The following CD300LF variants were observed in gnomAD, a reference collection of about 807,000 sequenced individuals.
CD300LF encodes CMRF35-like molecule 1.
CD300LF carries 27 observed loss-of-function variants against 32.2 expected under a neutral mutation model. That is an observed-to-expected ratio of 0.84 (90% CI 0.62 to 1.15). CD300LF has a LOEUF of 1.15. CD300LF is among the 50% of genes most tolerant of loss of function. The probability of loss-of-function intolerance (pLI) is 0.00; values close to 1 mark genes in which losing one functional copy is unlikely to be tolerated. For missense variants in CD300LF, 348 were observed against 356.8 expected (o/e 0.98, Z 0.20); for synonymous variants, 139 against 143.2 (o/e 0.97, Z 0.21).
At chr17:74,701,776 G>A (rs117244079) in intron 3 of CD300LF, among the ~76,000 whole-genome samples, 1,544 of 151,880 alleles carry the variant, frequency 0.01, 26 homozygotes, top group Admixed American at 0.036. Flanking sequence ...CATGAACCTG[G>A]GAGGTGGAAG....
chr17:74,708,233 G>C (rs1293951676), intron 1 of CD300LF, among the ~76,000 whole-genome samples: 3 of 151,548 alleles, frequency 2.0e-5, no homozygotes, highest in Non-Finnish European at 4.4e-5. Context: ...TAGAAAACCT[G>C]AATCATTCCA....
intron 4 of CD300LF, among the ~76,000 whole-genome samples, chr17:74,697,041 A>C (rs1314796060): frequency 6.6e-6 from 1 of 152,180 alleles, no homozygotes; most frequent in Non-Finnish European, 1.5e-5. Flanking sequence ...TCCTGGGTTC[A>C]AGCGATTCTC....
Position 74,708,822 on chromosome 17 carries a change from G to A in CD300LF, c.43+4002C>T, listed in dbSNP as rs371877216. On this transcript the variant is annotated intron_variant, in intron 1 of 6. Coordinates refer to ENST00000326165, the MANE Select transcript of CD300LF (RefSeq NM_139018.5). ...TCCCAGCTACTCGGAGGCTGAGGCAGGAGAATGACGTGAACCCGGGGGGGC... is the reference window on the plus strand; with the variant it reads ...TCCCAGCTACTCGGAGGCTGAGGCAAGAGAATGACGTGAACCCGGGGGGGC... 2.9e-4 allele frequency among the ~76,000 whole-genome samples: 44 copies of A among 151,690 alleles called. No homozygotes were observed. In the South Asian group the frequency reaches 4.2e-3, roughly 14 times the overall value.
chr17:74,709,063 A>T (rs551963504), intron 1 of CD300LF, among the ~76,000 whole-genome samples: 1 of 151,014 alleles, frequency 6.6e-6, no homozygotes, highest in South Asian at 2.1e-4. Context: ...TCTCTACTAA[A>T]AATTCAAAAA....
At chr17:74,699,754 A>G (rs910851996) in intron 3 of CD300LF, among the ~76,000 whole-genome samples, 1 of 152,114 alleles carries the variant, frequency 6.6e-6, no homozygotes, top group Non-Finnish European at 1.5e-5. Flanking sequence ...CGGCGGCCAC[A>G]GGACACTGAC....
chr17:74,710,414 A>T (rs1196713978), intron 1 of CD300LF, among the ~76,000 whole-genome samples: 4 of 152,256 alleles, frequency 2.6e-5, no homozygotes, highest in African/African-American at 9.6e-5. Context: ...GAGTGGCTAA[A>T]TAATAAACAT....
At chr17:74,707,094 G>C (rs2033582894) in intron 1 of CD300LF, among the ~76,000 whole-genome samples, 1 of 152,160 alleles carries the variant, frequency 6.6e-6, no homozygotes. Flanking sequence ...TCTTGGAGAG[G>C]ACGCCAAAAG....
chr17:74,698,809 G>A (rs572112621), intron 3 of CD300LF, among the ~76,000 whole-genome samples: 33 of 152,168 alleles, frequency 2.2e-4, no homozygotes, highest in East Asian at 3.9e-4. Context: ...ACAAAACCCC[G>A]GTGACGTGCA....
chr17:74,695,168 G>A lies in CD300LF; in HGVS notation c.801C>T (p.Gly267=), dbSNP rs774912612. The change falls in exon 7 of 7, where the codon GGC becomes GGT. Residue 267 remains glycine, a synonymous_variant. Transcript: ENST00000326165. ...EDQEPTYCNM[G]HLSSHLPGRG... ...TGCCGGGGAGGTGGCTACTGAGGTG[G>A]CCCATGTTGCAGTAGGTCGGTTCCT... 1 of 1,614,184 alleles carries A rather than the reference G, an allele frequency of 6.2e-7. No individual in the cohort carries two copies. Among genetic ancestry groups the A allele is most frequent in the Non-Finnish European group, 8.5e-7 (1 of 1,180,014 alleles).
At chr17:74,706,315 A>G (rs2033509395) in intron 1 of CD300LF, among the ~76,000 whole-genome samples, 2 of 149,912 alleles carry the variant, frequency 1.3e-5, no homozygotes. Flanking sequence ...AAGTGCTGCG[A>G]TTATAGGTGT....
chr17:74,699,602 C>A (rs1186647173), intron 3 of CD300LF, among the ~76,000 whole-genome samples: 1 of 152,172 alleles, frequency 6.6e-6, no homozygotes, highest in African/African-American at 2.4e-5. Flanking sequence ...CAGGCGCCCA[C>A]CAGCAGCTGG....
At chr17:74,703,249 T>A in intron 2 of CD300LF, 151 bp from the exon 3 acceptor site, 1 of 815,972 alleles carries the variant, frequency 1.2e-6, no homozygotes, top group Non-Finnish European at 2.0e-6. Flanking sequence ...TCTGGACTGC[T>A]ACTATGGGAA....
intron 5 of CD300LF, 24 bp from the exon 6 acceptor site, chr17:74,695,883 G>A: frequency 6.2e-7 from 1 of 1,607,464 alleles, no homozygotes; most frequent in South Asian, 1.1e-5. Flanking sequence ...CACAGGCTGG[G>A]GAGTCACAAG....
rs766870602 is a variant in CD300LF at position 74,703,026 on chromosome 17, C to A, written c.446+9G>T. 56 of 1,609,294 alleles carry A rather than the reference C, an allele frequency of 3.5e-5. No homozygotes were observed. Among genetic ancestry groups the A allele is most frequent in the Non-Finnish European group, 4.8e-5 (56 of 1,175,810 alleles). On this transcript the variant is annotated intron_variant, in intron 3 of 6. Coordinates refer to ENST00000326165, the MANE Select transcript of CD300LF (RefSeq NM_139018.5). ...CAAGTAGGCCACAGTGGAACCAGAG[C>A]TGGCTTACCTGTTGTCCAAGTGGTG...
At chr17:74,709,816 G>C (rs1024388131) in intron 1 of CD300LF, among the ~76,000 whole-genome samples, 1 of 151,896 alleles carries the variant, frequency 6.6e-6, no homozygotes, top group African/African-American at 2.4e-5. Context: ...CAACCGATCT[G>C]CCTGCCTTAG....
At position 74,703,116 on chromosome 17, in the gene CD300LF, G is replaced by A; in HGVS notation, c.383-18C>T. The A allele has an allele frequency of 6.2e-7, 1 of 1,613,842 alleles. No homozygotes were observed. Among genetic ancestry groups the A allele is most frequent in the Non-Finnish European group, 8.5e-7 (1 of 1,179,878 alleles). On this transcript the variant is annotated intron_variant, in intron 2 of 6. Coordinates refer to ENST00000326165, the MANE Select transcript of CD300LF (RefSeq NM_139018.5). ...GACTGGTGCTGTAAACGTAGTGGAG[G>A]TAGGCGTGGTGGGGGCAGGAGTCGA...
chr17:74,696,007 G>T, intron 5 of CD300LF, 148 bp from the exon 6 acceptor site: 1 of 1,262,338 alleles, frequency 7.9e-7, no homozygotes, highest in Non-Finnish European at 1.1e-6. Context: ...TCAGGCTCCT[G>T]TACCCCTCAG....
At chr17:74,704,283 A>T in intron 2 of CD300LF, 195 bp downstream of exon 2, 1 of 591,942 alleles carries the variant, frequency 1.7e-6, no homozygotes, top group Non-Finnish European at 3.0e-6. Flanking sequence ...CCCGTCGTGG[A>T]GGGAGCCCTG....
chr17:74,704,450 A>G, intron 2 of CD300LF, 28 bp downstream of exon 2: 1 of 1,497,602 alleles, frequency 6.7e-7, no homozygotes, highest in African/African-American at 1.4e-5. Context: ...GCCCTGAGAG[A>G]CACACACATA....
Sources: allele counts gnomAD v4.1 joint callset (sites outside exome capture counted in the v4.1 genomes callset), GRCh38; gene constraint gnomAD v4.1.1; transcripts MANE v1.5; gene names NCBI Gene and HGNC (gene_info 2026-07-23, HGNC 2026-07-21).